STX16: variants seen among roughly 807,000 people sequenced by gnomAD.
STX16 encodes the protein syntaxin-16.
A neutral mutation model predicts 42.7 loss-of-function variants in STX16; 28 were observed. The observed-to-expected ratio is 0.66, with a 90% CI of 0.49 to 0.90. The LOEUF (loss-of-function observed/expected upper bound fraction) is 0.90, where lower values mean the gene tolerates loss of function less well. STX16 is among the 40% of genes least tolerant of loss of function. The pLI is 0.00. For synonymous variants in STX16, 156 were observed against 155.2 expected (o/e 1.00, Z -0.04); for missense variants, 361 against 420.9 (o/e 0.86, Z 1.24).
chr20:58,669,661 G>A (rs534177511), intron 5 of STX16, among the ~76,000 whole-genome samples: 1 of 152,156 alleles, frequency 6.6e-6, no homozygotes, highest in African/African-American at 2.4e-5. Context: ...GACCAAGGCT[G>A]GGGGAGGGCA....
chr20:58,652,101 T>A lies in STX16; in HGVS notation c.95T>A (p.Ile32Asn). ...QLLAEQVSSHITSSPLHSRSI... is the reference protein window; with the variant it reads ...QLLAEQVSSHNTSSPLHSRSI... The stretch of plus-strand genomic sequence containing the variant: ...TTAGCCGAGCAAGTGAGTAGTCACA[T>A]CACCTCCAGCCCTCTGCATTCACGT... Residue 32 changes from isoleucine to asparagine, a missense_variant, in exon 1 of 9, where the codon ATC (isoleucine) becomes AAC (asparagine). Ile to Asn is a moderately radical substitution (Grantham distance 149, BLOSUM62 -3). Coordinates refer to ENST00000371141, the MANE Select transcript of STX16 (RefSeq NM_001001433.3). The A allele has an allele frequency of 4.3e-6, 7 of 1,614,170 alleles. No individual in the cohort carries two copies. The highest frequency in any genetic ancestry group is 5.9e-6 in the Non-Finnish European group (7 of 1,180,022).
chr20:58,676,095 G>C, intron 8 of STX16, 92 bp from the exon 9 acceptor site: 1 of 985,580 alleles, frequency 1.0e-6, no homozygotes. Context: ...TCACTGTGCA[G>C]AGAGATCTGG....
chr20:58,660,756 T>C (rs982341566), intron 2 of STX16, among the ~76,000 whole-genome samples: 3 of 136,798 alleles, frequency 2.2e-5, no homozygotes, highest in South Asian at 5.0e-4. Flanking sequence ...AAATAACTCA[T>C]ATTTATGCTT....
chr20:58,672,905 A>G (rs936911042), intron 7 of STX16, among the ~76,000 whole-genome samples: 9 of 152,206 alleles, frequency 5.9e-5, no homozygotes, highest in African/African-American at 2.2e-4. Context: ...TCCCCCTGAA[A>G]CCAACTGCAG....
intron 2 of STX16, among the ~76,000 whole-genome samples, chr20:58,662,876 G>A (rs2083732741): frequency 6.6e-6 from 1 of 152,178 alleles, no homozygotes. Context: ...TTCATAATTA[G>A]AAAAGGTAAG....
At chr20:58,670,880 C>T (rs1384842187) in intron 6 of STX16, among the ~76,000 whole-genome samples, 3 of 152,116 alleles carry the variant, frequency 2.0e-5, no homozygotes, top group African/African-American at 7.2e-5. Context: ...AGGGCTATCC[C>T]GGGGGTTTTG....
At chr20:58,652,201 CT>C in intron 1 of STX16, 63 bp downstream of exon 1, 2 of 1,585,372 alleles carry the variant, frequency 1.3e-6, no homozygotes, top group Non-Finnish European at 1.7e-6. Flanking sequence ...GCCTGTTTGT[CT>C]GTCTCTGTCT....
chr20:58,667,941 A>G (rs2083874724), intron 3 of STX16, 46 bp from the exon 4 acceptor site: 20 of 1,613,050 alleles, frequency 1.2e-5, no homozygotes, highest in Non-Finnish European at 1.7e-5. Context: ...GAGGCAGACC[A>G]TAGCCTGCCT....
At chr20:58,663,899 A>T (rs1218969230) in intron 2 of STX16, among the ~76,000 whole-genome samples, 2 of 152,050 alleles carry the variant, frequency 1.3e-5, no homozygotes, top group Non-Finnish European at 2.9e-5. Flanking sequence ...GCTGGTCTTG[A>T]ACTCCCGACC....
rs190464999 is a variant in STX16, at chr20:58,677,550, T to A, written c.*1259T>A. ...TGTAGAACAGTGTGGAAAGTGATGG[T>A]AACTTTGAAGTTGTTCATGTTTTAT... On this transcript the variant is annotated 3_prime_UTR_variant, in exon 9 of 9. Coordinates refer to ENST00000371141, the MANE Select transcript of STX16 (RefSeq NM_001001433.3). 5 of 152,376 alleles carry A rather than the reference T, an allele frequency of 3.3e-5. No individual in the cohort carries two copies. Among genetic ancestry groups the A allele is most frequent in the Admixed American group, 3.3e-4 (5 of 15,308 alleles). 9.4% of individuals were successfully genotyped at this position (152,376 alleles called of 1,614,324 possible).
At chr20:58,667,424 A>T (rs2083862211) in intron 2 of STX16, 66 bp from the exon 3 acceptor site, 3 of 1,244,490 alleles carry the variant, frequency 2.4e-6, no homozygotes, top group African/African-American at 2.9e-5. Flanking sequence ...TTTAAGAGAG[A>T]GTAAGAGTAT....
intron 2 of STX16, among the ~76,000 whole-genome samples, chr20:58,665,022 A>G (rs2083785335): frequency 1.3e-5 from 2 of 152,244 alleles, no homozygotes; most frequent in African/African-American, 4.8e-5. Flanking sequence ...TACTGTAGAC[A>G]GCACCTGATG....
chr20:58,655,368 T>C (rs923716827), intron 1 of STX16, among the ~76,000 whole-genome samples: 1 of 152,162 alleles, frequency 6.6e-6, no homozygotes, highest in Non-Finnish European at 1.5e-5. Flanking sequence ...GGGAAAAAAC[T>C]AGAATTTGGT....
In STX16 at chr20:58,669,329, G is replaced by A. The variant is rs768436138; in HGVS notation, c.432G>A (p.Pro144=). Residue 144 remains proline, a synonymous_variant, in exon 5 of 9, where the codon CCG becomes CCA. Transcript: ENST00000371141. ...HRCQRAVQAL[P]SRARACSEQE... ...GCCAGCGTGCCGTGCAGGCCCTGCCGAGCCGGGCCCGGGCCTGCTCCGAGC... is the reference window on the plus strand; with the variant it reads ...GCCAGCGTGCCGTGCAGGCCCTGCCAAGCCGGGCCCGGGCCTGCTCCGAGC... 6.2e-6 allele frequency: 10 copies of A among 1,611,730 alleles called. No individual in the cohort carries two copies. The highest frequency in any genetic ancestry group is 3.3e-5 in the Admixed American group (2 of 59,956).
intron 5 of STX16, among the ~76,000 whole-genome samples, chr20:58,669,974 CTCTCT>C (rs2083930579): frequency 6.6e-6 from 1 of 152,214 alleles, no homozygotes; most frequent in African/African-American, 2.4e-5. Flanking sequence ...CAGATTTCAG[CTCTCT>C]TCTCATTCTA....
chr20:58,667,715 AC>A, intron 3 of STX16, 118 bp downstream of exon 3: 1 of 997,206 alleles, frequency 1.0e-6, no homozygotes, highest in Non-Finnish European at 1.5e-6. Context: ...TTCTAGAAAT[AC>A]TTTAGCTTTA....
intron 2 of STX16, among the ~76,000 whole-genome samples, chr20:58,663,161 G>A (rs758218771): frequency 2.0e-5 from 3 of 152,192 alleles, no homozygotes; most frequent in Non-Finnish European, 2.9e-5. Context: ...TTACCAATGC[G>A]TTACGGCTAA....
At chr20:58,654,826 C>T (rs6026430) in intron 1 of STX16, among the ~76,000 whole-genome samples, 1 of 152,160 alleles carries the variant, frequency 6.6e-6, no homozygotes. Flanking sequence ...GGCATCTTAC[C>T]TAAGTCCTTA....
intron 8 of STX16, among the ~76,000 whole-genome samples, chr20:58,675,335 A>C (rs1168651819): frequency 6.6e-6 from 1 of 152,190 alleles, no homozygotes; most frequent in African/African-American, 2.4e-5. Flanking sequence ...GTGCCATAGC[A>C]AGGTCTGGAA....
Sources: allele counts gnomAD v4.1 joint callset (sites outside exome capture counted in the v4.1 genomes callset), GRCh38; gene constraint gnomAD v4.1.1; transcripts MANE v1.5; gene names NCBI Gene and HGNC (gene_info 2026-07-23, HGNC 2026-07-21).